TTN: variants seen among roughly 807,000 people sequenced by gnomAD.
TTN encodes the protein connectin.
TTN carries 1,525 observed loss-of-function variants against 3,223.0 expected under a neutral mutation model. That is an observed-to-expected ratio of 0.47 (90% confidence interval 0.45 to 0.49). The LOEUF (loss-of-function observed/expected upper bound fraction) is 0.49, where lower values mean the gene tolerates loss of function less well. Ranked by LOEUF, TTN falls within the 20% of genes least tolerant of loss-of-function variation. The pLI, the probability that TTN is intolerant of heterozygous loss-of-function variation, is 0.00. For synonymous variants in TTN, 14,094 were observed against 15,161.0 expected (o/e 0.93, Z 5.17); for missense variants, 40,786 against 43,424.0 (o/e 0.94, Z 5.40).
chr2:178,612,036 A>G, intron 267 of TTN, 21 bp downstream of exon 267: 2 of 1,603,292 alleles, frequency 1.2e-6, no homozygotes, highest in Non-Finnish European at 1.7e-6. Context: ...GTTATTCTTT[A>G]TGAATTAATT....
At position 178,552,476 on chromosome 2, in the gene TTN, T is replaced by C; in HGVS notation, c.90424A>G (p.Thr30142Ala). Residue 30142 changes from threonine (T) to alanine (A), a missense_variant, in exon 335 of 363, where the codon ACT becomes GCT. Coordinates refer to ENST00000589042, the MANE Select transcript of TTN (RefSeq NM_001267550.2). Reference protein sequence around the residue: ...DLSDIPGAQVTVRIGHNVHLE... With the variant: ...DLSDIPGAQVAVRIGHNVHLE... ...TGCACATTGTGCCCAATTCTCACAG[T>C]GACTTGTGCCCCAGGGATATCTGAC... 3 of 1,611,054 alleles carry C rather than the reference T, an allele frequency of 1.9e-6. No individual in the cohort carries two copies. Among genetic ancestry groups the C allele is most frequent in the South Asian group, 2.2e-5 (2 of 91,006 alleles).
intron 312 of TTN, 50 bp downstream of exon 312, chr2:178,583,557 C>A: frequency 6.9e-7 from 1 of 1,445,084 alleles, no homozygotes; most frequent in Non-Finnish European, 9.1e-7. Flanking sequence ...GAAAAATGAC[C>A]ATCATGAATG....
rs1290804499 is a variant in TTN, at chr2:178,740,091, T to C, written c.13142A>G (p.Glu4381Gly). 1 of 1,613,802 alleles carries C rather than the reference T, an allele frequency of 6.2e-7. No individual in the cohort carries two copies. Among genetic ancestry groups the C allele is most frequent in the Admixed American group, 1.7e-5 (1 of 59,990 alleles). ...TTCTGGAATACCAGAAAGCAAGCTTTCCTTAGAAAGAAGGTCCCTTCCCTG... is the reference window on the plus strand; with the variant it reads ...TTCTGGAATACCAGAAAGCAAGCTTCCCTTAGAAAGAAGGTCCCTTCCCTG... ...EVQGRDLLSK[E>G]SLLSGIPEEQ... is the part of the protein sequence containing the mutation. Residue 4381 changes from glutamate to glycine, a missense_variant, in exon 48 of 363, where the codon GAA becomes GGA. Transcript: ENST00000589042.
At position 178,531,922 on chromosome 2, in the gene TTN, C is replaced by G. The variant is rs781603371; in HGVS notation, c.104693G>C (p.Arg34898Thr). The G allele has an allele frequency of 4.3e-6, 7 of 1,612,914 alleles. No homozygotes were observed. In the East Asian group the frequency reaches 1.6e-4, roughly 36 times the overall value. The change falls in exon 358 of 363, where the codon AGA becomes ACA. Residue 34898 changes from arginine (R) to threonine (T), a missense_variant. Arg to Thr is a moderately conservative substitution (Grantham distance 71, BLOSUM62 -1). Transcript: ENST00000589042. ...SPVSSERSLS[R>T]FERSARFDIF... ...ATCAAATCTTGCAGACCTCTCAAAT[C>G]TCGAGAGTGATCTCTCACTAGACAC...
At chr2:178,581,150 T>C (rs2047646209) in intron 316 of TTN, among the ~76,000 whole-genome samples, 1 of 152,054 alleles carries the variant, frequency 6.6e-6, no homozygotes, top group Admixed American at 6.6e-5. Flanking sequence ...GATGGTGGAT[T>C]GGAAAACAGA....
At position 178,546,365 on chromosome 2, in the gene TTN, G is replaced by C. The variant is rs748010504; in HGVS notation, c.94966C>G (p.Leu31656Val). 6.2e-7 allele frequency: 1 copy of C among 1,613,738 alleles called. No homozygotes were observed. Among genetic ancestry groups the C allele is most frequent in the Non-Finnish European group, 8.5e-7 (1 of 1,179,752 alleles). The change falls in exon 342 of 363, where the codon CTA (leucine) becomes GTA (valine). Residue 31656 changes from leucine (L) to valine (V), a missense_variant. Physicochemically the swap from Leu to Val is conservative, Grantham distance 32 (BLOSUM62 1). Coordinates refer to ENST00000589042, the MANE Select transcript of TTN (RefSeq NM_001267550.2). ...KIIWTKGDKE[L>V]DLCEKVSLQY... is the part of the protein sequence containing the mutation. The stretch of plus-strand genomic sequence containing the variant: ...AAAGAGACTTTTTCACAGAGATCTA[G>C]CTCCTTGTCTCCTTTGGTCCAGATA...
At chr2:178,688,919 C>A in intron 125 of TTN, 134 bp downstream of exon 125, 2 of 1,184,062 alleles carry the variant, frequency 1.7e-6, no homozygotes, top group Middle Eastern at 2.1e-4. Flanking sequence ...AGGACATAAA[C>A]ACAAAAGTTT....
In TTN at chr2:178,618,072, C is replaced by T. The variant is rs774620483; in HGVS notation, c.47279G>A (p.Gly15760Asp). 2 of 1,611,974 alleles carry T rather than the reference C, an allele frequency of 1.2e-6. No individual in the cohort carries two copies. The highest frequency in any genetic ancestry group is 3.3e-5 in the Admixed American group (2 of 59,802). Residue 15760 changes from glycine (G) to aspartate (D), a missense_variant, in exon 253 of 363, where the codon GGC becomes GAC. Transcript: ENST00000589042. ...VEARSKYDVPGPPLNVTITDV... is the reference protein window; with the variant it reads ...VEARSKYDVPDPPLNVTITDV... ...AGTGATGGTTACATTCAAAGGAGGG[C>T]CTGGAACATCTGGATTTCACCACAG...
intron 208 of TTN, 80 bp downstream of exon 208, chr2:178,651,163 G>T: frequency 8.3e-7 from 1 of 1,199,462 alleles, no homozygotes; most frequent in Non-Finnish European, 1.2e-6. Flanking sequence ...AAGAGGACTC[G>T]CAAACAAAAG....
In TTN at chr2:178,733,340, AG is replaced by A. The variant is rs778392667; in HGVS notation, c.15952del (p.Leu5318SerfsTer34). 6.8e-6 allele frequency: 11 copies of A among 1,613,802 alleles called. No homozygotes were observed. Among genetic ancestry groups the A allele is most frequent in the Non-Finnish European group, 6.8e-6 (8 of 1,179,786 alleles). On this transcript the variant is annotated frameshift_variant, in exon 54 of 363. Transcript: ENST00000589042. LOFTEE classifies it high-confidence loss of function. ...RISFKNNVAQ[L>X]KFYSAELHDS... ...GTGCAGCTCAGCTGAATAAAATTTG[AG>A]CTGGGCAACATTGTTTTTAAAACTT...
chr2:178,765,085 C>T (rs1171553045), intron 41 of TTN, among the ~76,000 whole-genome samples: 1 of 152,120 alleles, frequency 6.6e-6, no homozygotes, highest in Non-Finnish European at 1.5e-5. Flanking sequence ...ACCTGATTAT[C>T]CCAGTTTCTG....
rs1060500547 is a variant in TTN, at chr2:178,715,215, T to A, written c.25971A>T (p.Gly8657=). The change falls in exon 90 of 363, where the codon GGA becomes GGT. Residue 8657 remains glycine (G), a synonymous_variant. Coordinates refer to ENST00000589042, the MANE Select transcript of TTN (RefSeq NM_001267550.2). ...KKPHPIETLK[G]ADVHLECELQ... ...GCTCACATTCAAGGTGAACATCAGCTCCTTTCAGTGTCTCTATAGGATGAG... is the reference window on the plus strand; with the variant it reads ...GCTCACATTCAAGGTGAACATCAGCACCTTTCAGTGTCTCTATAGGATGAG... 6.2e-7 allele frequency: 1 copy of A among 1,613,638 alleles called. No individual in the cohort carries two copies. Among genetic ancestry groups the A allele is most frequent in the Non-Finnish European group, 8.5e-7 (1 of 1,179,678 alleles).
rs190716158 is a variant in TTN, at chr2:178,603,916, G to A, written c.54771C>T (p.Pro18257=). Residue 18257 remains proline, a synonymous_variant, in exon 282 of 363, where the codon CCC becomes CCT. Coordinates refer to ENST00000589042, the MANE Select transcript of TTN (RefSeq NM_001267550.2). ...MAINAAGIGP[P]SEPSDPEVAG... ...CAACCTCTGGATCTGATGGTTCACT[G>A]GGAGGACCAATTCCTGCAGCATTTA... The A allele has an allele frequency of 3.3e-5, 53 of 1,611,566 alleles. No homozygotes were observed. In the African/African-American group the frequency reaches 6.5e-4, roughly 20 times the overall value.
At position 178,709,788 on chromosome 2, in the gene TTN, A is replaced by G; in HGVS notation, c.28531T>C (p.Phe9511Leu). The G allele has an allele frequency of 6.2e-7, 1 of 1,613,776 alleles. No individual in the cohort carries two copies. Among genetic ancestry groups the G allele is most frequent in the South Asian group, 1.1e-5 (1 of 91,082 alleles). ...CCAGCCACACGTCCCTCAAGTTTGA[A>G]AGAATTCCCTTCTGTTTCTTCTACT... ...ETVEETEGNS[F>L]KLEGRVAGSQ... The change falls in exon 99 of 363, where the codon TTC (phenylalanine) becomes CTC (leucine). Residue 9511 changes from phenylalanine to leucine, a missense_variant. Transcript: ENST00000589042.
intron 149 of TTN, 114 bp downstream of exon 149, chr2:178,675,557 C>T (rs1219269647): frequency 2.5e-5 from 21 of 841,188 alleles, no homozygotes; most frequent in East Asian, 2.2e-4. Flanking sequence ...TCAGAAATGA[C>T]GAATGTGAAT....
intron 349 of TTN, chr2:178,542,062 AT>A: frequency 8.6e-6 from 4 of 464,728 alleles, no homozygotes; most frequent in Non-Finnish European, 1.5e-5. Flanking sequence ...TAAAAAAAAA[AT>A]CAAGCCTAAG....
chr2:178,738,282 T>C lies in TTN; in HGVS notation c.14171A>G (p.Gln4724Arg), dbSNP rs1553934896. The change falls in exon 49 of 363, where the codon CAA becomes CGA. Residue 4724 changes from glutamine (Q) to arginine (R), a missense_variant. Gln to Arg is a conservative substitution (Grantham distance 43, BLOSUM62 1). Coordinates refer to ENST00000589042, the MANE Select transcript of TTN (RefSeq NM_001267550.2). ...CTGGAACCGGACATTGGGAGCACTT[T>C]GGATCTCACAGGTGAATTTGGCTAG... ...GHLAKFTCEI[Q>R]SAPNVRFQWF... 1.2e-6 allele frequency: 2 copies of C among 1,613,632 alleles called. No homozygotes were observed. The highest frequency in any genetic ancestry group is 1.7e-6 in the Non-Finnish European group (2 of 1,179,718).
At position 178,653,031 on chromosome 2, in the gene TTN, T is replaced by C. The variant is rs1390478860; in HGVS notation, c.38875+10A>G. ...TCAGTCTTCTGAAGCCTAAAGCCAG[T>C]GACAAATACCTTTAACAGGTGGGAC... On this transcript the variant is annotated intron_variant, in intron 199 of 362. Transcript: ENST00000589042. 1 of 1,612,718 alleles carries C rather than the reference T, an allele frequency of 6.2e-7. No homozygotes were observed.
In TTN at chr2:178,582,110, T is replaced by C; in HGVS notation, c.66259A>G (p.Ile22087Val). 6.2e-7 allele frequency: 1 copy of C among 1,612,982 alleles called. No individual in the cohort carries two copies. The highest frequency in any genetic ancestry group is 1.3e-5 in the African/African-American group (1 of 75,010). ...KPPADDGGSP[I>V]TGYLLEKRET... is the part of the protein sequence containing the mutation. ...CGCTTTTCAAGCAAATAGCCAGTGATGGGTGAGCCCCCATCATCTGCTGGT... is the reference window on the plus strand; with the variant it reads ...CGCTTTTCAAGCAAATAGCCAGTGACGGGTGAGCCCCCATCATCTGCTGGT... Residue 22087 changes from isoleucine to valine, a missense_variant, in exon 315 of 363, where the codon ATC becomes GTC. Transcript: ENST00000589042.
Sources: gnomAD v4.1 joint callset for allele counts (sites outside exome capture counted in the v4.1 genomes callset) on GRCh38, gnomAD v4.1.1 for gene constraint, MANE v1.5 for transcripts, NCBI Gene and HGNC (gene_info 2026-07-23, HGNC 2026-07-21) for gene names.